Variants in PCDHGB1 observed in about 807,000 individuals in gnomAD.
The protein encoded by PCDHGB1 is protocadherin gamma subfamily B, 1, also known as protocadherin gamma-B1.
In PCDHGB1, 34 loss-of-function variants were observed where a neutral mutation model predicts 56.6. That is an observed-to-expected ratio of 0.60 (90% CI 0.46 to 0.80). The LOEUF (loss-of-function observed/expected upper bound fraction) is 0.80. Ranked by LOEUF, PCDHGB1 falls within the 30% of genes least tolerant of loss-of-function variation. The pLI is 0.00. For synonymous variants in PCDHGB1, 561 were observed against 505.9 expected (o/e 1.11, Z -1.46); for missense variants, 1,278 against 1,204.6 (o/e 1.06, Z -0.90).
intron 1 of PCDHGB1, among the ~76,000 whole-genome samples, chr5:141,354,818 G>A (rs1468435577): frequency 6.6e-6 from 1 of 152,144 alleles, no homozygotes; most frequent in Non-Finnish European, 1.5e-5. Flanking sequence ...AAAGTTTATT[G>A]TACAGGAAGA....
intron 1 of PCDHGB1, chr5:141,384,940 T>C: frequency 6.2e-7 from 1 of 1,613,942 alleles, no homozygotes; most frequent in Non-Finnish European, 8.5e-7. Flanking sequence ...CCTTGAGCCC[T>C]CCGACGGTCC....
chr5:141,410,710 CAT>C lies in PCDHGB1; in HGVS notation c.2409+58044_2409+58045del, dbSNP rs140431021. 1.9e-3 allele frequency: 2,785 copies of C among 1,444,504 alleles called. 45 individuals are homozygous for C. In the African/African-American group the frequency reaches 0.033, roughly 17 times the overall value. The allele number at this position is 1,444,504 out of a possible 1,614,324, so 89.5% of individuals were successfully genotyped here. On this transcript the variant is annotated intron_variant, in intron 1 of 3. Coordinates refer to ENST00000523390, the MANE Select transcript of PCDHGB1 (RefSeq NM_018922.3). ...ACTACTTTATTTTCATATCTAGAATCATATGTTTAAAATCCATAGCTTTTTAC... is the reference window on the plus strand; with the variant it reads ...ACTACTTTATTTTCATATCTAGAATCATGTTTAAAATCCATAGCTTTTTAC...
chr5:141,472,268 A>G (rs399559), intron 1 of PCDHGB1, among the ~76,000 whole-genome samples: 152,324 of 152,332 alleles, frequency 1, 76,158 homozygotes, highest in Middle Eastern at 1. Flanking sequence ...ATAGCCGGGC[A>G]CAGTGGCTCA....
At chr5:141,355,704 G>A (rs1022748155) in intron 1 of PCDHGB1, 1 of 1,613,868 alleles carries the variant, frequency 6.2e-7, no homozygotes, top group East Asian at 2.2e-5. Flanking sequence ...ACTCCCTGCA[G>A]GGTTACCAGC....
intron 1 of PCDHGB1, chr5:141,413,762 C>A: frequency 1.2e-6 from 2 of 1,612,894 alleles, no homozygotes; most frequent in Non-Finnish European, 8.5e-7. Flanking sequence ...GTCAAGTACC[C>A]GGAGCTGGTA....
Position 141,491,627 on chromosome 5 carries a change from A to C in PCDHGB1, c.2410-3180A>C. On this transcript the variant is annotated intron_variant, in intron 1 of 3. Transcript: ENST00000523390. The surrounding 1 kb of genome is among the most constrained non-coding windows in gnomAD (Gnocchi z 6.9). ...ACTTTTCTAAGACCCCTCAGCGTTC[A>C]GCAGCCCACAGCTCTGGCGCTGGAG... 6.2e-7 allele frequency: 1 copy of C among 1,613,924 alleles called. No homozygotes were observed. The highest frequency in any genetic ancestry group is 8.5e-7 in the Non-Finnish European group (1 of 1,180,026).
At position 141,489,125 on chromosome 5, in the gene PCDHGB1, G is replaced by T. The variant is rs537146985; in HGVS notation, c.2410-5682G>T. 1.1e-4 allele frequency: 77 copies of T among 728,124 alleles called. No individual in the cohort carries two copies. The East Asian group carries it at 1.9e-3, about 18-fold the overall frequency. 45.1% of individuals were successfully genotyped at this position (728,124 alleles called of 1,614,324 possible). A position where few individuals can be genotyped will look rare whatever the true frequency, so the allele number is the denominator to read the frequency against. ...CTGCAAGCAGGCAAACCTCCGAGCAGTTTTTAAGAGGCTGGAAGGAGACAT... is the reference window on the plus strand; with the variant it reads ...CTGCAAGCAGGCAAACCTCCGAGCATTTTTTAAGAGGCTGGAAGGAGACAT... On this transcript the variant is annotated intron_variant, in intron 1 of 3. Coordinates refer to ENST00000523390, the MANE Select transcript of PCDHGB1 (RefSeq NM_018922.3). The surrounding 1 kb of genome is among the most constrained non-coding windows in gnomAD (Gnocchi z 4.5).
At position 141,394,582 on chromosome 5, in the gene PCDHGB1, A is replaced by C. The variant is rs1459158771; in HGVS notation, c.2409+41913A>C. The C allele has an allele frequency of 2.5e-6, 4 of 1,613,598 alleles. No individual in the cohort carries two copies. In the African/African-American group the frequency reaches 4.0e-5, roughly 16 times the overall value. ...GCAGAGCGTGGCTACCTGGTGACCA[A>C]GGTGGTGGCGGTGGACAGAGACTCG... On this transcript the variant is annotated intron_variant, in intron 1 of 3. Coordinates refer to ENST00000523390, the MANE Select transcript of PCDHGB1 (RefSeq NM_018922.3).
chr5:141,443,820 T>C (rs1329478151), intron 1 of PCDHGB1, among the ~76,000 whole-genome samples: 1 of 151,986 alleles, frequency 6.6e-6, no homozygotes. Flanking sequence ...TTGGAAAACA[T>C]AATTAGGTAA....
rs755409676 is a variant in PCDHGB1 at position 141,383,729 on chromosome 5, T to C, written c.2409+31060T>C. 7 of 1,613,984 alleles carry C rather than the reference T, an allele frequency of 4.3e-6. No homozygotes were observed. In the South Asian group the frequency reaches 6.6e-5, roughly 15 times the overall value. ...CTGGACGAGGGAGTCAATGGGGAAG[T>C]GACATATTCTTTTCGGAAAATAACT... On this transcript the variant is annotated intron_variant, in intron 1 of 3. Transcript: ENST00000523390.
rs756243026 is a variant in PCDHGB1, at chr5:141,487,478, T to C, written c.2410-7329T>C. On this transcript the variant is annotated intron_variant, in intron 1 of 3. Transcript: ENST00000523390. This position sits in a 1 kb window ranked among gnomAD's most constrained non-coding sequence, Gnocchi z 5.0. ...CAAGTTTGTTGATGTGGGAGGCCAC[T>C]CTCATGGCTGTACACCCTTGGCTTC... is the stretch of plus-strand genomic sequence containing the variant. 6 of 1,614,078 alleles carry C rather than the reference T, an allele frequency of 3.7e-6. No individual in the cohort carries two copies. In the Admixed American group the frequency reaches 1.0e-4, roughly 27 times the overall value.
intron 1 of PCDHGB1, chr5:141,418,595 G>GT (rs2096273873): frequency 6.2e-7 from 1 of 1,613,928 alleles, no homozygotes; most frequent in African/African-American, 1.3e-5. Context: ...CAGCCAGGAC[G>GT]TGTACAGGGT....
At chr5:141,429,385 T>A (rs1274446916) in intron 1 of PCDHGB1, among the ~76,000 whole-genome samples, 1 of 151,844 alleles carries the variant, frequency 6.6e-6, no homozygotes, top group Non-Finnish European at 1.5e-5. Flanking sequence ...GTGTTTTTTT[T>A]TTAAAAAAAA....
chr5:141,396,620 A>C (rs1222901061), intron 1 of PCDHGB1: 1 of 142,662 alleles, frequency 7.0e-6, no homozygotes, highest in Admixed American at 7.0e-5. Flanking sequence ...ACTCCGTCTC[A>C]AAAAAAAAAA....
intron 1 of PCDHGB1, chr5:141,415,653 G>C (rs947379829): frequency 1.4e-5 from 22 of 1,539,304 alleles, no homozygotes; most frequent in Non-Finnish European, 1.9e-5. Context: ...AAAAAAAAAA[G>C]ATTGGTTTTT....
At chr5:141,375,133 A>G in intron 1 of PCDHGB1, 2 of 1,613,958 alleles carry the variant, frequency 1.2e-6, no homozygotes, top group Non-Finnish European at 1.7e-6. Flanking sequence ...TGGTTGTTAC[A>G]TCTGGAAGCA....
chr5:141,432,071 AT>A lies in PCDHGB1; in HGVS notation c.2410-62735del. 1 of 1,614,158 alleles carries A rather than the reference AT, an allele frequency of 6.2e-7. No individual in the cohort carries two copies. Among genetic ancestry groups the A allele is most frequent in the Non-Finnish European group, 8.5e-7 (1 of 1,180,032 alleles). ...CCCGCCCCTATCCACGGAAACTCAT[AT>A]CTCGCTGAACGTGGCAGACACCAAC... On this transcript the variant is annotated intron_variant, in intron 1 of 3. Transcript: ENST00000523390. The surrounding 1 kb of genome is among the most constrained non-coding windows in gnomAD (Gnocchi z 6.0).
At chr5:141,455,534 A>G (rs985347185) in intron 1 of PCDHGB1, among the ~76,000 whole-genome samples, 1 of 152,178 alleles carries the variant, frequency 6.6e-6, no homozygotes, top group Non-Finnish European at 1.5e-5. Flanking sequence ...GACCAGGCAT[A>G]TCATTCACGT....
chr5:141,390,189 G>A (rs1295174277), intron 1 of PCDHGB1: 3 of 1,613,922 alleles, frequency 1.9e-6, no homozygotes, highest in East Asian at 2.2e-5. Flanking sequence ...AAAATGTAGT[G>A]AGCAGTTGAG....
Sources: allele counts gnomAD v4.1 joint callset (sites outside exome capture counted in the v4.1 genomes callset), GRCh38; gene constraint gnomAD v4.1.1; non-coding constraint Gnocchi (gnomAD v3.1); transcripts MANE v1.5; gene names NCBI Gene and HGNC (gene_info 2026-07-23, HGNC 2026-07-21).